NAA40: variants seen among roughly 807,000 people sequenced by gnomAD.
NAA40 encodes N-alpha-acetyltransferase 40, NatD catalytic subunit.
NAA40 carries 26 observed loss-of-function variants against 36.6 expected under a neutral mutation model. The observed-to-expected ratio is 0.71, with a 90% confidence interval of 0.52 to 0.98. The LOEUF is 0.98. NAA40 is among the 50% of genes least tolerant of loss of function. NAA40 has a pLI of 0.00. For synonymous variants in NAA40, 129 were observed against 108.4 expected (o/e 1.19, Z -1.18); for missense variants, 237 against 306.5 (o/e 0.77, Z 1.69).
chr11:63,946,621 T>G (rs1340039988), intron 2 of NAA40: 2 of 1,308,262 alleles, frequency 1.5e-6, no homozygotes, highest in Non-Finnish European at 2.0e-6. Context: ...TGTAACCAGG[T>G]AAAGTCAGTG....
chr11:63,943,018 A>G (rs947095171), intron 1 of NAA40, among the ~76,000 whole-genome samples: 8 of 152,178 alleles, frequency 5.3e-5, no homozygotes, highest in African/African-American at 1.9e-4. Context: ...CTTGCCCTCC[A>G]GCACCTTTGA....
chr11:63,941,494 A>T (rs1297689384), intron 1 of NAA40, among the ~76,000 whole-genome samples: 1 of 152,138 alleles, frequency 6.6e-6, no homozygotes, highest in Admixed American at 6.5e-5. Flanking sequence ...AATCTAAGAG[A>T]TGCCAAATTC....
In NAA40 at chr11:63,954,020, T is replaced by C; in HGVS notation, c.543T>C (p.Gly181=). The C allele has an allele frequency of 1.2e-6, 2 of 1,614,178 alleles. No homozygotes were observed. The highest frequency in any genetic ancestry group is 1.7e-6 in the Non-Finnish European group (2 of 1,180,034). Residue 181 remains glycine, a synonymous_variant, in exon 7 of 8, where the codon GGT becomes GGC. Coordinates refer to ENST00000377793, the MANE Select transcript of NAA40 (RefSeq NM_024771.4). ...TAACAGTATTTAAACACAATCATGG[T>C]GCCTACCAGTTCTTCAGAGAAGCGT... The part of the protein sequence containing the change: ...VMLTVFKHNH[G]AYQFFREALQ...
At position 63,951,253 on chromosome 11, in the gene NAA40, A is replaced by G. The variant is rs1942274823; in HGVS notation, c.156-985A>G. Reference sequence around the variant, plus strand: ...CAGTCAAGGAGTTTAACTGTTTTTTACTTAAATTTCATTTAGAAACAGATA... The same window carrying G: ...CAGTCAAGGAGTTTAACTGTTTTTTGCTTAAATTTCATTTAGAAACAGATA... On this transcript the variant is annotated intron_variant, in intron 3 of 7. Coordinates refer to ENST00000377793, the MANE Select transcript of NAA40 (RefSeq NM_024771.4). Among the ~76,000 whole-genome samples, 3 of 152,210 alleles carry G rather than the reference A, an allele frequency of 2.0e-5. No individual in the cohort carries two copies. In the South Asian group the frequency reaches 6.2e-4, roughly 31 times the overall value.
At chr11:63,941,277 T>G (rs1240577007) in intron 1 of NAA40, among the ~76,000 whole-genome samples, 2 of 152,190 alleles carry the variant, frequency 1.3e-5, no homozygotes, top group Non-Finnish European at 2.9e-5. Context: ...AAGTCATCAT[T>G]CCTTGTAGTT....
Position 63,951,082 on chromosome 11 carries a change from G to T in NAA40, c.156-1156G>T, listed in dbSNP as rs551226589. On this transcript the variant is annotated intron_variant, in intron 3 of 7. Transcript: ENST00000377793. ...GTGTGGTGTGCCAGTCAGTAGAGGT[G>T]ATGGGATTCCAGTGCGTACATCCTC... Among the ~76,000 whole-genome samples the T allele has an allele frequency of 2.0e-5, 3 of 152,322 alleles. No individual in the cohort carries two copies. In the East Asian group the frequency reaches 5.8e-4, roughly 29 times the overall value.
Position 63,952,642 on chromosome 11 carries a change from C to T in NAA40, c.410+77C>T. 1.9e-6 allele frequency: 3 copies of T among 1,602,922 alleles called. No homozygotes were observed. The South Asian group carries it at 3.3e-5, about 18-fold the overall frequency. On this transcript the variant is annotated intron_variant, in intron 5 of 7. Transcript: ENST00000377793. Reference sequence around the variant, plus strand: ...CAGGCACTCCAGCCAGGTGACAAAGCCCCTGGACCTACCTAGGTCTATGAG... The same window carrying T: ...CAGGCACTCCAGCCAGGTGACAAAGTCCCTGGACCTACCTAGGTCTATGAG...
At chr11:63,943,986 C>T (rs781586531) in intron 1 of NAA40, among the ~76,000 whole-genome samples, 1 of 152,140 alleles carries the variant, frequency 6.6e-6, no homozygotes, top group Non-Finnish European at 1.5e-5. Context: ...TATTTTGTTC[C>T]TTCCTCTAGG....
intron 1 of NAA40, chr11:63,939,596 TC>T (rs1379492971): frequency 3.5e-6 from 2 of 565,868 alleles, no homozygotes; most frequent in African/African-American, 2.1e-5. Context: ...CCACTGCCCT[TC>T]CCGTTACTCG....
At position 63,940,347 on chromosome 11, in the gene NAA40, C is replaced by T. The variant is rs116118295; in HGVS notation, c.6+1245C>T. 3.6e-3 allele frequency among the ~76,000 whole-genome samples: 552 copies of T among 152,320 alleles called. 6 individuals are homozygous for T. Among genetic ancestry groups the T allele is most frequent in the African/African-American group, 0.013 (529 of 41,582 alleles). On this transcript the variant is annotated intron_variant, in intron 1 of 7. Transcript: ENST00000377793. ...TACAGGCGTGAGCCACCACACAGGC[C>T]TATATTAGTATTTACATGGAATTTC...
chr11:63,939,075 G>A lies in NAA40; in HGVS notation c.-22G>A, dbSNP rs750252947. On this transcript the variant is annotated 5_prime_UTR_variant, in exon 1 of 8. Transcript: ENST00000377793. ...CTGCCGGCAAGTGTGTGAAGAAGAAGCTGAGCGTTGTCGCCGCCGCTATGG... is the reference window on the plus strand; with the variant it reads ...CTGCCGGCAAGTGTGTGAAGAAGAAACTGAGCGTTGTCGCCGCCGCTATGG... The A allele has an allele frequency of 6.2e-7, 1 of 1,603,602 alleles. No individual in the cohort carries two copies. Among genetic ancestry groups the A allele is most frequent in the Non-Finnish European group, 8.5e-7 (1 of 1,175,720 alleles).
intron 3 of NAA40, among the ~76,000 whole-genome samples, chr11:63,950,361 C>T (rs1590756752): frequency 6.6e-6 from 1 of 152,202 alleles, no homozygotes; most frequent in Non-Finnish European, 1.5e-5. Context: ...TCAGGTGATC[C>T]ACCTGCCTCA....
In NAA40 at chr11:63,942,155, C is replaced by T. The variant is rs558723844; in HGVS notation, c.6+3053C>T. Among the ~76,000 whole-genome samples the T allele has an allele frequency of 7.9e-5, 12 of 152,242 alleles. No individual in the cohort carries two copies. The South Asian group carries it at 2.5e-3, about 32-fold the overall frequency. ...GCCAGATAAAGCGGATCTACCCTCA[C>T]CTCATGGGGAGAGTTGGAGGGAGTG... On this transcript the variant is annotated intron_variant, in intron 1 of 7. Transcript: ENST00000377793.
intron 1 of NAA40, among the ~76,000 whole-genome samples, chr11:63,940,257 G>C (rs551614540): frequency 2.0e-4 from 31 of 152,072 alleles, no homozygotes; most frequent in African/African-American, 6.8e-4. Flanking sequence ...CACCACGTTG[G>C]CCAGGCTGGT....
intron 1 of NAA40, among the ~76,000 whole-genome samples, chr11:63,943,156 T>G (rs1942133510): frequency 6.6e-6 from 1 of 152,136 alleles, no homozygotes; most frequent in African/African-American, 2.4e-5. Flanking sequence ...ACCCCCATCT[T>G]CATGGAGATG....
chr11:63,954,259 C>G (rs147277249), intron 7 of NAA40, 79 bp from the exon 8 acceptor site: 2 of 1,518,044 alleles, frequency 1.3e-6, no homozygotes, highest in Non-Finnish European at 1.8e-6. Flanking sequence ...ATCAGTGTGG[C>G]TGGTAGAAGA....
At chr11:63,941,139 G>A (rs1361596396) in intron 1 of NAA40, among the ~76,000 whole-genome samples, 1 of 152,200 alleles carries the variant, frequency 6.6e-6, no homozygotes, top group East Asian at 1.9e-4. Flanking sequence ...TTACAGATGT[G>A]TTTCTCACAT....
At chr11:63,942,981 A>G (rs1342800826) in intron 1 of NAA40, among the ~76,000 whole-genome samples, 1 of 152,176 alleles carries the variant, frequency 6.6e-6, no homozygotes, top group Admixed American at 6.5e-5. Flanking sequence ...CCCAGGCTTC[A>G]GTGCTTTCTG....
intron 3 of NAA40, among the ~76,000 whole-genome samples, chr11:63,950,437 A>G (rs1283813780): frequency 1.4e-5 from 2 of 147,496 alleles, no homozygotes; most frequent in Non-Finnish European, 3.0e-5. Flanking sequence ...CTTTTGACAT[A>G]CTTTAGATAT....
Sources: allele counts gnomAD v4.1 joint callset (sites outside exome capture counted in the v4.1 genomes callset), GRCh38; gene constraint gnomAD v4.1.1; transcripts MANE v1.5; gene names NCBI Gene and HGNC (gene_info 2026-07-23, HGNC 2026-07-21).